The following STIL variants were observed in gnomAD, a reference collection of about 807,000 sequenced individuals.
The protein encoded by STIL is STIL centriolar assembly protein.
STIL carries 55 observed loss-of-function variants against 110.1 expected under a neutral mutation model. That is an observed-to-expected ratio of 0.50 (90% confidence interval 0.40 to 0.63). The LOEUF (loss-of-function observed/expected upper bound fraction) is 0.63, where lower values mean the gene tolerates loss of function less well. Ranked by LOEUF, STIL falls within the 20% of genes least tolerant of loss-of-function variation. STIL has a pLI of 0.00. For missense variants in STIL, 1,358 were observed against 1,530.0 expected, an observed-to-expected ratio of 0.89 and a Z score of 1.87; for synonymous variants, 481 against 530.0, an observed-to-expected ratio of 0.91 and a Z score of 1.27.
rs1412537995 is a variant in STIL, at chr1:47,260,994, A to G, written c.2830-455T>C. ...TCAAGTAGGCAGGTATTATGGTATTATTTGCAGGTATTATGAAGTTTTTAT... is the reference window on the plus strand; with the variant it reads ...TCAAGTAGGCAGGTATTATGGTATTGTTTGCAGGTATTATGAAGTTTTTAT... On this transcript the variant is annotated intron_variant, in intron 15 of 16. Transcript: ENST00000371877. Among the ~76,000 whole-genome samples the G allele has an allele frequency of 3.9e-5, 6 of 152,242 alleles. No individual in the cohort carries two copies. The East Asian group carries it at 1.2e-3, about 29-fold the overall frequency.
intron 12 of STIL, among the ~76,000 whole-genome samples, chr1:47,275,560 A>T (rs1275843420): frequency 6.6e-6 from 1 of 151,916 alleles, no homozygotes; most frequent in African/African-American, 2.4e-5. Flanking sequence ...GTGAGCTGAG[A>T]TCGCGCCACT....
In STIL at chr1:47,251,309, G is replaced by A. The variant is rs774457535; in HGVS notation, c.3694C>T (p.Arg1232Ter). 2.9e-5 allele frequency: 47 copies of A among 1,613,854 alleles called. No individual in the cohort carries two copies. The highest frequency in any genetic ancestry group is 3.9e-5 in the Non-Finnish European group (46 of 1,179,884). The change falls in exon 17 of 17, where the codon CGA becomes TGA. Residue 1232 changes from arginine (R) to a stop codon, truncating the protein, a stop_gained. Transcript: ENST00000371877. LOFTEE classifies it high-confidence loss of function. The part of the protein sequence containing the change: ...NLKPSPAVNL[R>*]TGKAEFTQHP... ...TGAGTGAACTCTGCTTTCCCGGTTCGAAGGTTCACTGCAGGACTTGGTTTA... is the reference window on the plus strand; with the variant it reads ...TGAGTGAACTCTGCTTTCCCGGTTCAAAGGTTCACTGCAGGACTTGGTTTA...
At chr1:47,300,705 G>T (rs1330845723) in intron 5 of STIL, among the ~76,000 whole-genome samples, 2 of 152,086 alleles carry the variant, frequency 1.3e-5, no homozygotes, top group African/African-American at 4.8e-5. Flanking sequence ...CTCCTGATCA[G>T]CCCACCTCAG....
At chr1:47,257,286 C>T (rs1216130614) in intron 16 of STIL, among the ~76,000 whole-genome samples, 2 of 152,142 alleles carry the variant, frequency 1.3e-5, no homozygotes, top group African/African-American at 4.8e-5. Context: ...AACAGGGAAA[C>T]TAAATTTAAC....
intron 8 of STIL, among the ~76,000 whole-genome samples, chr1:47,290,342 T>C (rs1645444796): frequency 6.6e-6 from 1 of 152,202 alleles, no homozygotes; most frequent in Non-Finnish European, 1.5e-5. Context: ...CTATATATCA[T>C]CAATATGTGT....
chr1:47,307,628 ATG>A (rs1645999952), intron 2 of STIL, among the ~76,000 whole-genome samples: 1 of 152,164 alleles, frequency 6.6e-6, no homozygotes, highest in Non-Finnish European at 1.5e-5. Flanking sequence ...ATTGTACAGC[ATG>A]TGTGTTTGAG....
chr1:47,254,180 C>CAAAAAAAAAAA (rs59259774), intron 16 of STIL, among the ~76,000 whole-genome samples: 1 of 61,408 alleles, frequency 1.6e-5, no homozygotes. Flanking sequence ...GACTCTGTCT[C>CAAAAAAAAAAA]AAAAAAAAAA....
At chr1:47,284,105 T>G (rs1170687063) in intron 10 of STIL, 2 of 151,972 alleles carry the variant, frequency 1.3e-5, no homozygotes, top group African/African-American at 4.8e-5. Flanking sequence ...ACCATGTTGG[T>G]CAGGCTGGTC....
intron 12 of STIL, among the ~76,000 whole-genome samples, chr1:47,276,812 TAAAAAAAA>T (rs36154290): frequency 1.5e-5 from 1 of 67,630 alleles, no homozygotes; most frequent in African/African-American, 5.6e-5. Flanking sequence ...AAACTCTGCC[TAAAAAAAA>T]AAAAAAAAAA....
chr1:47,273,283 T>C (rs1422630163), intron 12 of STIL, among the ~76,000 whole-genome samples: 1 of 152,206 alleles, frequency 6.6e-6, no homozygotes, highest in Non-Finnish European at 1.5e-5. Context: ...ACTCACAAAG[T>C]GTGCAATAAT....
intron 3 of STIL, 142 bp downstream of exon 3, chr1:47,304,747 G>A: frequency 3.0e-6 from 2 of 674,298 alleles, no homozygotes; most frequent in South Asian, 1.8e-5. Context: ...AGAAGCAGAA[G>A]GAAAATTTTG....
At chr1:47,255,782 C>T (rs373416413) in intron 16 of STIL, among the ~76,000 whole-genome samples, 2 of 152,318 alleles carry the variant, frequency 1.3e-5, no homozygotes, top group East Asian at 3.9e-4. Context: ...CCATTTCCTG[C>T]ACAATTTCTA....
At chr1:47,310,613 C>T (rs890872719) in intron 1 of STIL, among the ~76,000 whole-genome samples, 1 of 152,120 alleles carries the variant, frequency 6.6e-6, no homozygotes. Flanking sequence ...AAGGAAAGCT[C>T]GGATTCTGCC....
At chr1:47,302,436 C>T in intron 3 of STIL, 90 bp from the exon 4 acceptor site, 4 of 995,320 alleles carry the variant, frequency 4.0e-6, no homozygotes, top group South Asian at 2.7e-5. Flanking sequence ...TTATAACACA[C>T]ATTTTTAAAA....
chr1:47,274,244 A>G (rs1456498587), intron 12 of STIL, among the ~76,000 whole-genome samples: 3 of 152,236 alleles, frequency 2.0e-5, no homozygotes, highest in Non-Finnish European at 4.4e-5. Context: ...CCTAAAATTG[A>G]TCACTCAGTG....
rs1168449058 is a variant in STIL at position 47,280,845 on chromosome 1, A to T, written c.1613T>A (p.Leu538His). Reference sequence around the variant, plus strand: ...TACATTTCCAGCAGAAACTGTTTGGAGCTTTTCAAATATATCATGAGATGG... The same window carrying T: ...TACATTTCCAGCAGAAACTGTTTGGTGCTTTTCAAATATATCATGAGATGG... ...NGPSHDIFEK[L>H]QTVSAGNVQN... The change falls in exon 12 of 17, where the codon CTC becomes CAC. Residue 538 changes from leucine (L) to histidine (H), a missense_variant. Leu to His is a moderately conservative substitution (Grantham distance 99). Transcript: ENST00000371877. 1.9e-6 allele frequency: 3 copies of T among 1,614,186 alleles called. No individual in the cohort carries two copies. Among genetic ancestry groups the T allele is most frequent in the Non-Finnish European group, 2.5e-6 (3 of 1,180,032 alleles).
At chr1:47,290,826 G>A (rs1645464400) in intron 8 of STIL, among the ~76,000 whole-genome samples, 1 of 152,124 alleles carries the variant, frequency 6.6e-6, no homozygotes, top group South Asian at 2.1e-4. Flanking sequence ...TATCAGGTTA[G>A]CAGAGGTCAA....
At chr1:47,266,955 T>G (rs191633896) in intron 14 of STIL, among the ~76,000 whole-genome samples, 1 of 152,332 alleles carries the variant, frequency 6.6e-6, no homozygotes, top group Admixed American at 6.5e-5. Flanking sequence ...TCAGACTTCA[T>G]TTCCTATACT....
At chr1:47,268,787 A>T (rs1644732311) in intron 14 of STIL, among the ~76,000 whole-genome samples, 2 of 125,910 alleles carry the variant, frequency 1.6e-5, no homozygotes, top group African/African-American at 2.7e-5. Context: ...AAATAAATAA[A>T]TAAATTAAAT....
Sources: gnomAD v4.1 joint callset for allele counts (sites outside exome capture counted in the v4.1 genomes callset) on GRCh38, gnomAD v4.1.1 for gene constraint, MANE v1.5 for transcripts, NCBI Gene and HGNC (gene_info 2026-07-23, HGNC 2026-07-21) for gene names.